The following PRKAG2 variants were observed in gnomAD, a reference collection of about 807,000 sequenced individuals.
The protein encoded by PRKAG2 is 5'-AMP-activated protein kinase subunit gamma-2.
In PRKAG2, 26 loss-of-function variants were observed where a neutral mutation model predicts 69.6. That is an observed-to-expected ratio of 0.37 (90% CI 0.27 to 0.52). The LOEUF is 0.52. PRKAG2 is among the 20% of genes least tolerant of loss of function. PRKAG2 has a pLI of 0.90. For synonymous variants in PRKAG2, 293 were observed against 285.0 expected (o/e 1.03, Z -0.28); for missense variants, 557 against 740.0 (o/e 0.75, Z 2.87).
At chr7:151,824,666 C>T (rs983731279) in intron 1 of PRKAG2, among the ~76,000 whole-genome samples, 3 of 152,158 alleles carry the variant, frequency 2.0e-5, no homozygotes, top group Non-Finnish European at 2.9e-5. Context: ...AGCACCCAGA[C>T]AGGAACTGCT....
intron 5 of PRKAG2, among the ~76,000 whole-genome samples, chr7:151,617,645 G>GA (rs200989284): frequency 2.6e-5 from 4 of 151,670 alleles, no homozygotes; most frequent in African/African-American, 7.3e-5. Flanking sequence ...CATGTTAACA[G>GA]AAAAAAACCC....
At chr7:151,635,604 G>A (rs750054498) in intron 4 of PRKAG2, among the ~76,000 whole-genome samples, 5 of 152,056 alleles carry the variant, frequency 3.3e-5, no homozygotes, top group East Asian at 3.9e-4. Context: ...GTCATATACT[G>A]TATGATTCCA....
At chr7:151,588,890 T>G (rs12164128) in intron 6 of PRKAG2, among the ~76,000 whole-genome samples, 22,310 of 152,234 alleles carry the variant, frequency 0.15, 1,787 homozygotes, top group East Asian at 0.31. Flanking sequence ...ATACCTATCT[T>G]TCTCTGAATT....
chr7:151,762,371 A>G (rs780814148), intron 3 of PRKAG2, among the ~76,000 whole-genome samples: 2 of 152,172 alleles, frequency 1.3e-5, no homozygotes, highest in Non-Finnish European at 2.9e-5. Context: ...ACTCACACAC[A>G]TATGTTAATT....
intron 1 of PRKAG2, among the ~76,000 whole-genome samples, chr7:151,855,471 GCTCCACACACCACC>G (rs2079737805): frequency 3.7e-4 from 3 of 8,136 alleles, no homozygotes; most frequent in South Asian, 6.8e-3. Context: ...CACACACCAT[GCTCCACACACCACC>G]CTCCACACAC....
Position 151,570,161 on chromosome 7 carries a change from AC to A in PRKAG2, c.1106+9del. ...ATGAATGTTTTCAAAGAAAAAAAAA[AC>A]AAGTTTACCTTGCATCTGGAGATAT... On this transcript the variant is annotated intron_variant, in intron 10 of 15. Coordinates refer to ENST00000287878, the MANE Select transcript of PRKAG2 (RefSeq NM_016203.4). 6.3e-7 allele frequency: 1 copy of A among 1,597,592 alleles called. No homozygotes were observed. The highest frequency in any genetic ancestry group is 1.7e-5 in the Admixed American group (1 of 59,262).
intron 14 of PRKAG2, among the ~76,000 whole-genome samples, chr7:151,563,183 T>C (rs1805475808): frequency 6.6e-6 from 1 of 152,186 alleles, no homozygotes; most frequent in South Asian, 2.1e-4. Flanking sequence ...TCATCACTGA[T>C]ACTGTACACC....
At chr7:151,818,756 G>C (rs35604617) in intron 1 of PRKAG2, among the ~76,000 whole-genome samples, 23,650 of 152,254 alleles carry the variant, frequency 0.16, 2,212 homozygotes, top group South Asian at 0.26. Flanking sequence ...TATTTCACTT[G>C]GGAGCTGGCA....
intron 1 of PRKAG2, among the ~76,000 whole-genome samples, chr7:151,803,767 A>G (rs2077960322): frequency 1.3e-5 from 2 of 150,910 alleles, no homozygotes. Flanking sequence ...GTGAAATCCC[A>G]TCTCTACTAA....
intron 1 of PRKAG2, among the ~76,000 whole-genome samples, chr7:151,791,108 T>C (rs917805469): frequency 6.6e-6 from 1 of 152,072 alleles, no homozygotes; most frequent in African/African-American, 2.4e-5. Flanking sequence ...AACAGGGAAG[T>C]CCCCTGGCAC....
At chr7:151,590,819 A>G (rs907301212) in intron 6 of PRKAG2, among the ~76,000 whole-genome samples, 5 of 152,232 alleles carry the variant, frequency 3.3e-5, no homozygotes, top group African/African-American at 1.2e-4. Context: ...GAAATTTAAC[A>G]CTAGTTTGGT....
intron 3 of PRKAG2, among the ~76,000 whole-genome samples, chr7:151,746,266 G>A (rs573636044): frequency 7.1e-4 from 108 of 152,292 alleles, no homozygotes; most frequent in African/African-American, 2.3e-3. Context: ...CCTCCTGCAC[G>A]TCACTCCTTA....
intron 1 of PRKAG2, among the ~76,000 whole-genome samples, chr7:151,811,100 C>CA (rs1563717009): frequency 6.6e-6 from 1 of 152,208 alleles, no homozygotes; most frequent in Non-Finnish European, 1.5e-5. Context: ...GAACCCACAG[C>CA]CCTCTCGCCT....
chr7:151,725,247 G>C (rs1233041449), intron 3 of PRKAG2, among the ~76,000 whole-genome samples: 1 of 152,124 alleles, frequency 6.6e-6, no homozygotes, highest in African/African-American at 2.4e-5. Flanking sequence ...ACACACGAAG[G>C]ACATCTGTGT....
intron 4 of PRKAG2, among the ~76,000 whole-genome samples, chr7:151,650,186 G>A (rs1401938507): frequency 6.6e-6 from 1 of 152,042 alleles, no homozygotes; most frequent in African/African-American, 2.4e-5. Flanking sequence ...CTGCACTCCA[G>A]CCTGAGTGAC....
chr7:151,859,729 C>T (rs542702242), intron 1 of PRKAG2, among the ~76,000 whole-genome samples: 235 of 152,332 alleles, frequency 1.5e-3, no homozygotes, highest in African/African-American at 5.5e-3. Flanking sequence ...CTGCTCTCAT[C>T]AGCCACTTGC....
chr7:151,750,568 C>T (rs193244491), intron 3 of PRKAG2, among the ~76,000 whole-genome samples: 17 of 152,202 alleles, frequency 1.1e-4, no homozygotes, highest in East Asian at 1.9e-4. Flanking sequence ...GAAAGGCAGA[C>T]GGCAGCTTAG....
chr7:151,595,424 A>G lies in PRKAG2; in HGVS notation c.785T>C (p.Met262Thr). The G allele has an allele frequency of 6.2e-7, 1 of 1,614,050 alleles. No individual in the cohort carries two copies. Among genetic ancestry groups the G allele is most frequent in the Non-Finnish European group, 8.5e-7 (1 of 1,179,954 alleles). The part of the protein sequence containing the change: ...AVEDSESGVY[M>T]RFMRSHKCYD... ...ACACTTGTGTGACCTCATGAATCGC[A>G]TGTAAACACCACTTTCTGAGTCTTC... The change falls in exon 6 of 16, where the codon ATG becomes ACG. Residue 262 changes from methionine to threonine, a missense_variant. Transcript: ENST00000287878.
At chr7:151,674,514 G>T (rs1832589703) in intron 4 of PRKAG2, among the ~76,000 whole-genome samples, 1 of 152,202 alleles carries the variant, frequency 6.6e-6, no homozygotes, top group South Asian at 2.1e-4. Context: ...GGTACCTGCG[G>T]TAATTAAACC....
Sources: allele counts gnomAD v4.1 joint callset (sites outside exome capture counted in the v4.1 genomes callset), GRCh38; gene constraint gnomAD v4.1.1; transcripts MANE v1.5; gene names NCBI Gene and HGNC (gene_info 2026-07-23, HGNC 2026-07-21).